HK2: variants seen among roughly 807,000 people sequenced by gnomAD.
The protein encoded by HK2 is hexokinase 2.
HK2 carries 42 observed loss-of-function variants against 92.9 expected under a neutral mutation model. The observed-to-expected ratio is 0.45, with a 90% confidence interval of 0.35 to 0.58. The LOEUF is 0.58. HK2 is among the 20% of genes least tolerant of loss of function. The pLI, the probability that HK2 is intolerant of heterozygous loss-of-function variation, is 0.00. For missense variants in HK2, 978 were observed against 1,245.1 expected (o/e 0.79, Z 3.23); for synonymous variants, 422 against 468.0 (o/e 0.90, Z 1.27).
At position 74,891,013 on chromosome 2, in the gene HK2, C is replaced by A. The variant is rs1217717832; in HGVS notation, c.*72C>A. 55 of 1,554,470 alleles carry A rather than the reference C, an allele frequency of 3.5e-5. No individual in the cohort carries two copies. The highest frequency in any genetic ancestry group is 4.8e-5 in the Non-Finnish European group (55 of 1,146,948). On this transcript the variant is annotated 3_prime_UTR_variant, in exon 18 of 18. Transcript: ENST00000290573. ...GTTTTAAATTATAAGATGTCATCCC[C>A]TTGTGTCAGAGACAGACCCCTTGGC...
At chr2:74,838,626 C>T (rs564193615) in intron 1 of HK2, among the ~76,000 whole-genome samples, 2 of 151,824 alleles carry the variant, frequency 1.3e-5, no homozygotes, top group South Asian at 4.2e-4. Flanking sequence ...GCAAACTCCA[C>T]CTCCCGGGTT....
In HK2 at chr2:74,891,217, A is replaced by C; in HGVS notation, c.*276A>C. On this transcript the variant is annotated 3_prime_UTR_variant, in exon 18 of 18. Coordinates refer to ENST00000290573, the MANE Select transcript of HK2 (RefSeq NM_000189.5). Reference sequence around the variant, plus strand: ...AACATGAAAATTATCTCCCTTAGTAATCCCCCTTGCCAAATTCCATGTCCC... The same window carrying C: ...AACATGAAAATTATCTCCCTTAGTACTCCCCCTTGCCAAATTCCATGTCCC... The C allele has an allele frequency of 2.2e-6, 1 of 455,290 alleles. No individual in the cohort carries two copies. 28.2% of individuals were successfully genotyped at this position (455,290 alleles called of 1,614,324 possible).
chr2:74,886,765 C>T (rs564728903), intron 15 of HK2, 92 bp downstream of exon 15: 65 of 1,324,228 alleles, frequency 4.9e-5, no homozygotes, highest in African/African-American at 4.3e-4. Flanking sequence ...CCCAGGACGC[C>T]GGTTCTCGTG....
chr2:74,871,392 T>G (rs1689094589), intron 3 of HK2, among the ~76,000 whole-genome samples: 1 of 152,228 alleles, frequency 6.6e-6, no homozygotes, highest in African/African-American at 2.4e-5. Context: ...GCCCAGCCTC[T>G]TTGGCCTCTG....
chr2:74,880,177 G>T, intron 9 of HK2, 88 bp from the exon 10 acceptor site: 1 of 1,468,060 alleles, frequency 6.8e-7, no homozygotes, highest in Non-Finnish European at 9.5e-7. Context: ...TTGGCATTTG[G>T]ATTAAGGCGG....
chr2:74,887,233 CTAGAA>C (rs1448917860), intron 15 of HK2, among the ~76,000 whole-genome samples: 1 of 152,182 alleles, frequency 6.6e-6, no homozygotes, highest in African/African-American at 2.4e-5. Context: ...AAACATGTGT[CTAGAA>C]TAGAAGTTAC....
intron 1 of HK2, among the ~76,000 whole-genome samples, chr2:74,853,333 A>G (rs1573362955): frequency 6.6e-6 from 1 of 152,118 alleles, no homozygotes; most frequent in African/African-American, 2.4e-5. Flanking sequence ...CCTAGACAAC[A>G]TGGTGAAACC....
At chr2:74,836,365 G>C (rs1688165365) in intron 1 of HK2, among the ~76,000 whole-genome samples, 1 of 152,202 alleles carries the variant, frequency 6.6e-6, no homozygotes, top group Non-Finnish European at 1.5e-5. Context: ...TTCCCCCAGA[G>C]TGGAACGGGA....
chr2:74,881,810 A>G lies in HK2; in HGVS notation c.1670A>G (p.Asn557Ser), dbSNP rs1255433999. The change falls in exon 11 of 18, where the codon AAC becomes AGC. Residue 557 changes from asparagine (N) to serine (S), a missense_variant. By Grantham distance (46) the Asn-to-Ser change is conservative. Coordinates refer to ENST00000290573, the MANE Select transcript of HK2 (RefSeq NM_000189.5). ...AAGTGGGGTGGAGTGGAGATGCACA[A>G]CAAGATCTACGCCATCCCGCAGGAG... is the stretch of plus-strand genomic sequence containing the variant. ...NGKWGGVEMH[N>S]KIYAIPQEVM... is the part of the protein sequence containing the mutation. 5 of 1,613,996 alleles carry G rather than the reference A, an allele frequency of 3.1e-6. No homozygotes were observed. Among genetic ancestry groups the G allele is most frequent in the Non-Finnish European group, 4.2e-6 (5 of 1,180,028 alleles).
intron 13 of HK2, 85 bp downstream of exon 13, chr2:74,885,674 T>C: frequency 1.1e-6 from 1 of 906,796 alleles, no homozygotes; most frequent in Non-Finnish European, 1.9e-6. Flanking sequence ...AAGGCAACAG[T>C]AAGTGTGGCT....
rs138212021 is a variant in HK2 at position 74,888,021 on chromosome 2, G to C, written c.2338G>C (p.Gly780Arg). ...CATCTCAGAGCGGCTCAAGACAAGG[G>C]GCATCTTTGAAACCAAGTTCTTGTC... is the stretch of plus-strand genomic sequence containing the variant. ...GRISERLKTR[G>R]IFETKFLSQI... The change falls in exon 16 of 18, where the codon GGC (glycine) becomes CGC (arginine). Residue 780 changes from glycine to arginine, a missense_variant. Gly to Arg is a moderately radical substitution (Grantham distance 125). Around this residue, in one of 3 missense-constraint regions of HK2, gnomAD observed 742 missense variants for 922.5 expected, o/e 0.80. Transcript: ENST00000290573. 3 of 1,614,090 alleles carry C rather than the reference G, an allele frequency of 1.9e-6. No homozygotes were observed. Among genetic ancestry groups the C allele is most frequent in the Non-Finnish European group, 2.5e-6 (3 of 1,180,038 alleles).
chr2:74,835,522 G>A (rs1161117419), intron 1 of HK2, among the ~76,000 whole-genome samples: 1 of 152,148 alleles, frequency 6.6e-6, no homozygotes, highest in Non-Finnish European at 1.5e-5. Flanking sequence ...CTATGGCTGA[G>A]CGCTCACCGC....
intron 16 of HK2, 81 bp downstream of exon 16, chr2:74,888,139 T>C: frequency 1.4e-6 from 2 of 1,473,236 alleles, no homozygotes; most frequent in Non-Finnish European, 1.9e-6. Flanking sequence ...TTTCCATAAC[T>C]CAGGGCATGA....
At chr2:74,850,626 C>A (rs536550438) in intron 1 of HK2, among the ~76,000 whole-genome samples, 1 of 152,314 alleles carries the variant, frequency 6.6e-6, no homozygotes, top group Admixed American at 6.5e-5. Flanking sequence ...TCTCCTTTGA[C>A]TTTGGGCCTG....
chr2:74,875,111 C>T (rs997530024), intron 7 of HK2, among the ~76,000 whole-genome samples: 1 of 152,164 alleles, frequency 6.6e-6, no homozygotes, highest in African/African-American at 2.4e-5. Context: ...CCTTATTTCA[C>T]CCTCACAAAC....
At position 74,885,542 on chromosome 2, in the gene HK2, G is replaced by T; in HGVS notation, c.1888G>T (p.Gly630Cys). 1 of 1,613,982 alleles carries T rather than the reference G, an allele frequency of 6.2e-7. No individual in the cohort carries two copies. Among genetic ancestry groups the T allele is most frequent in the South Asian group, 1.1e-5 (1 of 91,074 alleles). ...TKGFKASGCE[G>C]EDVVTLLKEA... ...AGGCTTCAAGGCATCTGGCTGCGAG[G>T]GCGAGGACGTGGTGACCCTGCTGAA... The change falls in exon 13 of 18, where the codon GGC becomes TGC. Residue 630 changes from glycine (G) to cysteine (C), a missense_variant. By Grantham distance (159) the Gly-to-Cys change is radical. Transcript: ENST00000290573.
intron 3 of HK2, among the ~76,000 whole-genome samples, chr2:74,870,695 G>C (rs1279093207): frequency 1.3e-5 from 2 of 151,736 alleles, no homozygotes. Context: ...CGACAGAACA[G>C]AATTTGCTGA....
chr2:74,875,521 G>A (rs959785854), intron 7 of HK2, among the ~76,000 whole-genome samples: 2 of 152,008 alleles, frequency 1.3e-5, no homozygotes, highest in African/African-American at 4.8e-5. Flanking sequence ...TAGAGACAGG[G>A]TTTCACCATG....
At chr2:74,855,525 C>T (rs1393484970) in intron 2 of HK2, among the ~76,000 whole-genome samples, 2 of 152,174 alleles carry the variant, frequency 1.3e-5, no homozygotes, top group Non-Finnish European at 2.9e-5. Flanking sequence ...GTGGCTACCG[C>T]ACCCAGCCCA....
Sources: allele counts gnomAD v4.1 joint callset (sites outside exome capture counted in the v4.1 genomes callset), GRCh38; gene constraint gnomAD v4.1.1; regional missense constraint gnomAD v4.1.1; transcripts MANE v1.5; gene names NCBI Gene and HGNC (gene_info 2026-07-23, HGNC 2026-07-21).